The following ITGB3 variants were observed in gnomAD, a reference collection of about 807,000 sequenced individuals.
ITGB3 encodes integrin subunit beta 3.
Under a neutral mutation model 85.8 loss-of-function variants are expected in ITGB3, and 48 were observed. The ratio of observed to expected loss-of-function variants is 0.56; its 90% CI spans 0.44 to 0.71. The LOEUF is 0.71. Among genes scored for constraint, ITGB3 ranks in the 30% least tolerant of loss-of-function variants. ITGB3 has a pLI of 0.00. For missense variants in ITGB3, 861 were observed against 1,019.1 expected, an observed-to-expected ratio of 0.84 and a Z score of 2.11; for synonymous variants, 363 against 395.6, an observed-to-expected ratio of 0.92 and a Z score of 0.98.
rs566673492 is a variant in ITGB3 at position 47,292,290 on chromosome 17, G to T, written c.1412G>T (p.Ser471Ile). Residue 471 changes from serine to isoleucine, a missense_variant, in exon 10 of 15, where the codon AGC becomes ATC. Physicochemically the swap from Ser to Ile is moderately radical, Grantham distance 142. Coordinates refer to ENST00000559488, the MANE Select transcript of ITGB3 (RefSeq NM_000212.3). ...TGCCAGGCCCAAGCTGAACCTAATA[G>T]CCATCGCTGCAACAATGGCAATGGG... ...CACQAQAEPN[S>I]HRCNNGNGTF... 14 of 1,614,216 alleles carry T rather than the reference G, an allele frequency of 8.7e-6. No individual in the cohort carries two copies. The African/African-American group carries it at 1.9e-4, about 22-fold the overall frequency.
At chr17:47,279,071 G>A (rs1211707274) in intron 2 of ITGB3, among the ~76,000 whole-genome samples, 2 of 152,216 alleles carry the variant, frequency 1.3e-5, no homozygotes. Context: ...GAAATAGGCA[G>A]GATAATGACA....
chr17:47,294,501 C>G (rs1423573777), intron 10 of ITGB3, among the ~76,000 whole-genome samples: 1 of 152,240 alleles, frequency 6.6e-6, no homozygotes. Flanking sequence ...GCCCCAGTTC[C>G]TGCCTCTCAC....
At position 47,302,920 on chromosome 17, in the gene ITGB3, G is replaced by C. The variant is rs13306489; in HGVS notation, c.2134+80G>C. On this transcript the variant is annotated intron_variant, in intron 13 of 14. Transcript: ENST00000559488. ...TGTTAGGCAGGAATCTCTACTCATCGAAGCTGTTAAGCAAAACAGGTTAAG... is the reference window on the plus strand; with the variant it reads ...TGTTAGGCAGGAATCTCTACTCATCCAAGCTGTTAAGCAAAACAGGTTAAG... 645 of 1,552,044 alleles carry C rather than the reference G, an allele frequency of 4.2e-4. 6 individuals are homozygous for C. In the East Asian group the frequency reaches 0.012, roughly 28 times the overall value.
intron 10 of ITGB3, among the ~76,000 whole-genome samples, chr17:47,298,607 A>G (rs1195911851): frequency 6.6e-6 from 1 of 152,068 alleles, no homozygotes; most frequent in Non-Finnish European, 1.5e-5. Flanking sequence ...GTGCCCTCAG[A>G]GCCCTGCTTC....
At position 47,289,533 on chromosome 17, in the gene ITGB3, C is replaced by T. The variant is rs1162506677; in HGVS notation, c.940-148C>T. The T allele has an allele frequency of 4.5e-6, 3 of 670,938 alleles. No individual in the cohort carries two copies. In the Admixed American group the frequency reaches 7.4e-5, roughly 17 times the overall value. 41.6% of individuals were successfully genotyped at this position (670,938 alleles called of 1,614,324 possible). ...AGAGATGGGGTCTTGCTATGTTGCC[C>T]AGGCTCTTGTCTCACTTTCAGCATG... On this transcript the variant is annotated intron_variant, in intron 6 of 14. Coordinates refer to ENST00000559488, the MANE Select transcript of ITGB3 (RefSeq NM_000212.3).
At position 47,253,851 on chromosome 17, in the gene ITGB3, A is replaced by G. The variant is rs1485811635; in HGVS notation, c.-11A>G. ...TGTGGGGCGGGCGGAGCGCCGCGGG[A>G]GGCGGACGAGATGCGAGCGCGGCCG... On this transcript the variant is annotated 5_prime_UTR_variant, in exon 1 of 15. Coordinates refer to ENST00000559488, the MANE Select transcript of ITGB3 (RefSeq NM_000212.3). 2.5e-6 allele frequency: 3 copies of G among 1,214,002 alleles called. No individual in the cohort carries two copies. The highest frequency in any genetic ancestry group is 3.1e-6 in the Non-Finnish European group (3 of 976,752). The allele number at this position is 1,214,002 out of a possible 1,614,324, so 75.2% of individuals were successfully genotyped here.
At position 47,292,552 on chromosome 17, in the gene ITGB3, G is replaced by A; in HGVS notation, c.1674G>A (p.Lys558=). The change falls in exon 10 of 15, where the codon AAG becomes AAA. Residue 558 remains lysine, a synonymous_variant. Transcript: ENST00000559488. ...ECDDFSCVRY[K]GEMCSGHGQC... is the part of the protein sequence containing the mutation. ...ACGACTTCTCCTGTGTCCGCTACAA[G>A]GGGGAGATGTGCTCAGGTGAGGAGA... The A allele has an allele frequency of 6.2e-7, 1 of 1,601,002 alleles. No individual in the cohort carries two copies. Among genetic ancestry groups the A allele is most frequent in the East Asian group, 2.2e-5 (1 of 44,882 alleles).
In ITGB3 at chr17:47,284,575, C is replaced by T; in HGVS notation, c.494C>T (p.Ala165Val). Residue 165 changes from alanine (A) to valine (V), a missense_variant, in exon 4 of 15, where the codon GCC becomes GTC. Ala to Val is a moderately conservative substitution (Grantham distance 64, BLOSUM62 0). Transcript: ENST00000559488. The part of the protein sequence containing the change: ...WSIQNLGTKL[A>V]TQMRKLTSNL... ...ATCCAGAACCTGGGTACCAAGCTGG[C>T]CACCCAGATGCGAAAGCTCACCAGT... The T allele has an allele frequency of 6.2e-7, 1 of 1,614,150 alleles. No homozygotes were observed. Among genetic ancestry groups the T allele is most frequent in the Non-Finnish European group, 8.5e-7 (1 of 1,180,030 alleles).
At position 47,299,997 on chromosome 17, in the gene ITGB3, G is replaced by A. The variant is rs1456558920; in HGVS notation, c.1913+467G>A. Among the ~76,000 whole-genome samples, 1 of 152,210 alleles carries A rather than the reference G, an allele frequency of 6.6e-6. No homozygotes were observed. The highest frequency in any genetic ancestry group is 1.5e-5 in the Non-Finnish European group (1 of 68,038). On this transcript the variant is annotated intron_variant, in intron 11 of 14. Coordinates refer to ENST00000559488, the MANE Select transcript of ITGB3 (RefSeq NM_000212.3). This position sits in a 1 kb window ranked among gnomAD's most constrained non-coding sequence, Gnocchi z 5.1. Reference sequence around the variant, plus strand: ...TTTAAGCAGGGCCAGATTTACGAGTGTGCAACCTATGCAGCTGTATAGGGC... The same window carrying A: ...TTTAAGCAGGGCCAGATTTACGAGTATGCAACCTATGCAGCTGTATAGGGC...
chr17:47,278,248 C>T (rs1364288862), intron 2 of ITGB3, among the ~76,000 whole-genome samples: 1 of 152,098 alleles, frequency 6.6e-6, no homozygotes, highest in Non-Finnish European at 1.5e-5. Flanking sequence ...GACTCTCGCT[C>T]TCCAAGAAGA....
chr17:47,282,051 C>G (rs1444915792), intron 2 of ITGB3, among the ~76,000 whole-genome samples: 1 of 152,078 alleles, frequency 6.6e-6, no homozygotes, highest in Non-Finnish European at 1.5e-5. Context: ...CAGGTTTAAG[C>G]GATTCTCCTG....
intron 1 of ITGB3, among the ~76,000 whole-genome samples, chr17:47,262,981 C>G (rs558537905): frequency 2.0e-4 from 30 of 152,242 alleles, no homozygotes; most frequent in Admixed American, 5.9e-4. Context: ...CTGGTTAGAC[C>G]CGTTAAATAC....
chr17:47,310,012 C>T, intron 14 of ITGB3, 127 bp from the exon 15 acceptor site: 1 of 759,656 alleles, frequency 1.3e-6, no homozygotes, highest in Admixed American at 2.0e-5. Context: ...GAACATTATT[C>T]TGTTTCATTG....
chr17:47,286,552 G>A, intron 5 of ITGB3, 130 bp downstream of exon 5: 1 of 1,108,424 alleles, frequency 9.0e-7, no homozygotes, highest in Non-Finnish European at 1.4e-6. Flanking sequence ...GCAGTTATGA[G>A]TAGTAAGTTG....
At chr17:47,256,602 T>TC (rs1385110087) in intron 1 of ITGB3, among the ~76,000 whole-genome samples, 1 of 152,070 alleles carries the variant, frequency 6.6e-6, no homozygotes, top group Non-Finnish European at 1.5e-5. Flanking sequence ...GTGTTGGGAC[T>TC]CCAAGTGTTG....
chr17:47,284,646 C>T lies in ITGB3; in HGVS notation c.565C>T (p.Pro189Ser), dbSNP rs958609406. 3.3e-5 allele frequency: 53 copies of T among 1,614,024 alleles called. No individual in the cohort carries two copies. The highest frequency in any genetic ancestry group is 4.5e-5 in the Non-Finnish European group (53 of 1,180,018). Residue 189 changes from proline to serine, a missense_variant, in exon 4 of 15, where the codon CCA (proline) becomes TCA (serine). Transcript: ENST00000559488. ...FGAFVDKPVSPYMYISPPEAL... is the reference protein window; with the variant it reads ...FGAFVDKPVSSYMYISPPEAL... Reference sequence around the variant, plus strand: ...GGCATTTGTGGACAAGCCTGTGTCACCATACATGTATATCTCCCCACCAGA... The same window carrying T: ...GGCATTTGTGGACAAGCCTGTGTCATCATACATGTATATCTCCCCACCAGA...
At chr17:47,290,814 A>G (rs1598693673) in intron 8 of ITGB3, 140 bp from the exon 9 acceptor site, 1 of 941,356 alleles carries the variant, frequency 1.1e-6, no homozygotes, top group East Asian at 2.4e-5. Context: ...GGCAGCTTCC[A>G]GGTCAAACCT....
intron 5 of ITGB3, among the ~76,000 whole-genome samples, chr17:47,286,863 T>C (rs1056752217): frequency 2.0e-5 from 3 of 152,222 alleles, no homozygotes; most frequent in African/African-American, 4.8e-5. Flanking sequence ...TAATCAGCTA[T>C]GAGACTGTTT....
At chr17:47,291,134 A>C (rs1340844161) in intron 9 of ITGB3, 46 bp downstream of exon 9, 1 of 1,612,710 alleles carries the variant, frequency 6.2e-7, no homozygotes, top group South Asian at 1.1e-5. Context: ...ATCTGTGGGC[A>C]CCCAACCCCC....
Sources: gnomAD v4.1 joint callset for allele counts (sites outside exome capture counted in the v4.1 genomes callset) on GRCh38, gnomAD v4.1.1 for gene constraint, Gnocchi (gnomAD v3.1) non-coding constraint, MANE v1.5 for transcripts, NCBI Gene and HGNC (gene_info 2026-07-23, HGNC 2026-07-21) for gene names.